KCNQ1: variants seen among roughly 807,000 people sequenced by gnomAD.
The protein encoded by KCNQ1 is potassium voltage-gated channel subfamily Q member 1.
In KCNQ1, 49 loss-of-function variants were observed where a neutral mutation model predicts 72.4. That is an observed-to-expected ratio of 0.68 (90% CI 0.54 to 0.86). The LOEUF (loss-of-function observed/expected upper bound fraction) is 0.86. KCNQ1 is among the 40% of genes least tolerant of loss of function. KCNQ1 has a pLI of 0.00. For synonymous variants in KCNQ1, 450 were observed against 412.6 expected (o/e 1.09, Z -1.10); for missense variants, 790 against 945.1 (o/e 0.84, Z 2.15).
At chr11:2,832,952 C>CT (rs762122433) in intron 15 of KCNQ1, among the ~76,000 whole-genome samples, 3 of 152,176 alleles carry the variant, frequency 2.0e-5, no homozygotes, top group Non-Finnish European at 2.9e-5. Context: ...TCCCTCCCCT[C>CT]TCCCCCAGAG....
rs547356059 is a variant in KCNQ1 at position 2,731,357 on chromosome 11, C to A, written c.1515-37487C>A. ...CTCGTCCCACAGTCGGCATGCCAGA[C>A]CCCTCGGGAATTCAGGCCTTGGTGA... On this transcript the variant is annotated intron_variant, in intron 11 of 15. Coordinates refer to ENST00000155840, the MANE Select transcript of KCNQ1 (RefSeq NM_000218.3). Among the ~76,000 whole-genome samples, 56 of 152,362 alleles carry A rather than the reference C, an allele frequency of 3.7e-4. No homozygotes were observed. The South Asian group carries it at 3.7e-3, about 10-fold the overall frequency.
intron 15 of KCNQ1, among the ~76,000 whole-genome samples, chr11:2,795,319 G>A (rs1051129592): frequency 1.3e-5 from 2 of 152,250 alleles, no homozygotes; most frequent in Non-Finnish European, 2.9e-5. Flanking sequence ...CCCATGTCTG[G>A]GGAGGCCACG....
chr11:2,754,915 A>C (rs532537649), intron 11 of KCNQ1, among the ~76,000 whole-genome samples: 1 of 152,352 alleles, frequency 6.6e-6, no homozygotes, highest in East Asian at 1.9e-4. Context: ...GACAAGTTGC[A>C]GACTGGCGAT....
intron 11 of KCNQ1, chr11:2,666,138 T>C (rs2133862116): frequency 2.5e-6 from 1 of 398,684 alleles, no homozygotes; most frequent in Non-Finnish European, 4.4e-6. Flanking sequence ...CTCTTCTGTT[T>C]TGGCATCTTA....
At chr11:2,831,087 T>C (rs980606913) in intron 15 of KCNQ1, among the ~76,000 whole-genome samples, 8 of 152,228 alleles carry the variant, frequency 5.3e-5, no homozygotes, top group African/African-American at 1.7e-4. Flanking sequence ...TTCTGGCCTC[T>C]GGCATGCAGA....
Position 2,698,313 on chromosome 11 carries a change from G to C in KCNQ1, c.1514+36232G>C, listed in dbSNP as rs1850713016. 2.5e-6 allele frequency: 1 copy of C among 398,480 alleles called. No individual in the cohort carries two copies. Among genetic ancestry groups the C allele is most frequent in the Non-Finnish European group, 4.4e-6 (1 of 226,076 alleles). The allele number at this position is 398,480 out of a possible 1,614,324, so 24.7% of individuals were successfully genotyped here. On this transcript the variant is annotated intron_variant, in intron 11 of 15. Transcript: ENST00000155840. The surrounding 1 kb of genome is among the most constrained non-coding windows in gnomAD (Gnocchi z 5.1). ...GATGAATTATTCTCTTTCATAACCA[G>C]AACAGTGCTGTGGGAAGGCACTCTT...
rs868129989 is a variant in KCNQ1 at position 2,848,395 on chromosome 11, A to C, written c.*392A>C. 4.5e-5 allele frequency: 22 copies of C among 492,290 alleles called. No individual in the cohort carries two copies. The highest frequency in any genetic ancestry group is 3.9e-4 in the African/African-American group (20 of 51,730). 30.5% of individuals were successfully genotyped at this position (492,290 alleles called of 1,614,324 possible). A position where few individuals can be genotyped will look rare whatever the true frequency, so the allele number is the denominator to read the frequency against. The stretch of plus-strand genomic sequence containing the variant: ...GGCCCAGGGGGCTTCCTGAGGGGAG[A>C]CAGAGCAACCCCTGGACCCCAGCCT... On this transcript the variant is annotated 3_prime_UTR_variant, in exon 16 of 16. Transcript: ENST00000155840.
At chr11:2,474,573 G>A (rs944881930) in intron 1 of KCNQ1, among the ~76,000 whole-genome samples, 1 of 152,344 alleles carries the variant, frequency 6.6e-6, no homozygotes, top group Non-Finnish European at 1.5e-5. Context: ...CAGCGGTGGA[G>A]CCCAGGTCTC....
At chr11:2,777,146 G>A (rs967430939) in intron 14 of KCNQ1, 114 bp downstream of exon 14, 6 of 1,037,768 alleles carry the variant, frequency 5.8e-6, no homozygotes, top group Non-Finnish European at 8.9e-6. Flanking sequence ...CCTCCAAAGT[G>A]CATGACATGA....
intron 2 of KCNQ1, among the ~76,000 whole-genome samples, chr11:2,558,426 G>A (rs185457559): frequency 9.7e-5 from 13 of 133,776 alleles, no homozygotes; most frequent in Admixed American, 5.5e-4. Flanking sequence ...GTCTCCAGGC[G>A]GGGGGGTCCA....
At chr11:2,499,583 T>C (rs1846976904) in intron 1 of KCNQ1, among the ~76,000 whole-genome samples, 1 of 144,970 alleles carries the variant, frequency 6.9e-6, no homozygotes. Context: ...TTTCAACCTA[T>C]AAAAATACAC....
At chr11:2,722,215 G>T (rs1270250054) in intron 11 of KCNQ1, among the ~76,000 whole-genome samples, 1 of 152,196 alleles carries the variant, frequency 6.6e-6, no homozygotes, top group Non-Finnish European at 1.5e-5. Flanking sequence ...GCCTTTTGGG[G>T]GTCCCAGGTG....
At chr11:2,831,605 C>A (rs1301811423) in intron 15 of KCNQ1, among the ~76,000 whole-genome samples, 1 of 151,854 alleles carries the variant, frequency 6.6e-6, no homozygotes, top group African/African-American at 2.4e-5. Flanking sequence ...ACCATAGTGT[C>A]CCCTCCGCTC....
In KCNQ1 at chr11:2,815,670, G is replaced by C. The variant is rs1049222105; in HGVS notation, c.1795-32097G>C. Among the ~76,000 whole-genome samples, 1 of 151,906 alleles carries C rather than the reference G, an allele frequency of 6.6e-6. No homozygotes were observed. The highest frequency in any genetic ancestry group is 1.9e-4 in the East Asian group (1 of 5,148). Reference sequence around the variant, plus strand: ...CGCCCCCAGCCCCAGGCTGACCCCAGTCCCTCCCTATGCAGGCAGAGGGGC... The same window carrying C: ...CGCCCCCAGCCCCAGGCTGACCCCACTCCCTCCCTATGCAGGCAGAGGGGC... On this transcript the variant is annotated intron_variant, in intron 15 of 15. Transcript: ENST00000155840. The surrounding 1 kb of genome is among the most constrained non-coding windows in gnomAD (Gnocchi z 5.4).
intron 2 of KCNQ1, among the ~76,000 whole-genome samples, chr11:2,534,387 C>T (rs944301909): frequency 6.6e-6 from 1 of 152,238 alleles, no homozygotes; most frequent in Non-Finnish European, 1.5e-5. Context: ...CGGGAAAAGA[C>T]GCAGAGCAAA....
rs1186651085 is a variant in KCNQ1 at position 2,516,346 on chromosome 11, G to A, written c.387-11582G>A. ...GGGCTTTAAATGGCTCAGTCCCAGCGTCCCCTCATGCCTGGGACCGCTGAC... is the reference window on the plus strand; with the variant it reads ...GGGCTTTAAATGGCTCAGTCCCAGCATCCCCTCATGCCTGGGACCGCTGAC... On this transcript the variant is annotated intron_variant, in intron 1 of 15. Transcript: ENST00000155840. The surrounding 1 kb of genome is among the most constrained non-coding windows in gnomAD (Gnocchi z 7.0). Among the ~76,000 whole-genome samples the A allele has an allele frequency of 6.6e-5, 10 of 152,010 alleles. No individual in the cohort carries two copies. The highest frequency in any genetic ancestry group is 2.1e-4 in the South Asian group (1 of 4,820).
chr11:2,514,383 C>T (rs35348854), intron 1 of KCNQ1, among the ~76,000 whole-genome samples: 7,426 of 152,264 alleles, frequency 0.049, 246 homozygotes, highest in Non-Finnish European at 0.079. Flanking sequence ...CTCAGGTTGC[C>T]GGGTGCCCTT....
intron 11 of KCNQ1, among the ~76,000 whole-genome samples, chr11:2,761,529 G>A (rs1031235267): frequency 1.3e-4 from 20 of 152,194 alleles, no homozygotes; most frequent in Admixed American, 1.1e-3. Flanking sequence ...CACATAGGCC[G>A]TAGGGTGGAA....
rs1245146762 is a variant in KCNQ1, at chr11:2,677,886, C to G, written c.1514+15805C>G. On this transcript the variant is annotated intron_variant, in intron 11 of 15. Coordinates refer to ENST00000155840, the MANE Select transcript of KCNQ1 (RefSeq NM_000218.3). The surrounding 1 kb of genome is among the most constrained non-coding windows in gnomAD (Gnocchi z 4.5). ...TGACTGCACAAATGCACTTTCTTCC[C>G]CCACCCTTACCAAGTGTATACTCAG... The G allele has an allele frequency of 2.5e-6, 1 of 398,512 alleles. No individual in the cohort carries two copies. Among genetic ancestry groups the G allele is most frequent in the Non-Finnish European group, 4.4e-6 (1 of 226,032 alleles). 24.7% of individuals were successfully genotyped at this position (398,512 alleles called of 1,614,324 possible).
Sources: allele counts gnomAD v4.1 joint callset (sites outside exome capture counted in the v4.1 genomes callset), GRCh38; gene constraint gnomAD v4.1.1; non-coding constraint Gnocchi (gnomAD v3.1); transcripts MANE v1.5; gene names NCBI Gene and HGNC (gene_info 2026-07-23, HGNC 2026-07-21).